RMP64: variants seen among roughly 807,000 people sequenced by gnomAD.
RMP64 encodes ribonuclease MRP subunit p64, also known as nucleolus and neural progenitor protein.
the RMP64 span, chr3:113,019,171 G>A: frequency 8.1e-6 from 2 of 248,178 alleles, no homozygotes; most frequent in African/African-American, 4.6e-5. Flanking sequence ...GAAGGAAAGG[G>A]GAAATGGACG....
chr3:113,018,388 A>G, the RMP64 span, among the ~76,000 whole-genome samples: 2 of 152,194 alleles, frequency 1.3e-5, no homozygotes, highest in African/African-American at 4.8e-5. Context: ...GTTGTTAAAG[A>G]ATTTTTGAAT....
At chr3:113,008,484 T>C in the RMP64 span, 310 of 1,448,120 alleles carry the variant, frequency 2.1e-4, 1 homozygote, top group African/African-American at 4.1e-3. Flanking sequence ...GACTTGTAAT[T>C]ATATGACAAC....
the RMP64 span, chr3:113,012,847 A>T: frequency 4.1e-6 from 5 of 1,223,632 alleles, no homozygotes; most frequent in Non-Finnish European, 6.0e-6. Context: ...ACAAAATCAA[A>T]GTAATGTGGG....
At chr3:113,019,276 T>C in the RMP64 span, 1 of 497,932 alleles carries the variant, frequency 2.0e-6, no homozygotes, top group Middle Eastern at 5.3e-4. Flanking sequence ...CTCCGCCCCC[T>C]CAGCGCACGG....
the RMP64 span, among the ~76,000 whole-genome samples, chr3:113,009,031 A>G: frequency 3.9e-5 from 6 of 152,172 alleles, no homozygotes; most frequent in Admixed American, 1.3e-4. Flanking sequence ...ATGTTTCTGA[A>G]AACAGGGAAG....
At chr3:113,008,997 T>C in the RMP64 span, among the ~76,000 whole-genome samples, 63 of 152,304 alleles carry the variant, frequency 4.1e-4, no homozygotes, top group African/African-American at 1.5e-3. Context: ...TTCCGTATCC[T>C]GGGCAAACCT....
the RMP64 span, among the ~76,000 whole-genome samples, chr3:113,009,059 G>A: frequency 6.6e-6 from 1 of 152,126 alleles, no homozygotes; most frequent in African/African-American, 2.4e-5. Context: ...GCCCTGCAGA[G>A]TGCCCAGCAG....
the RMP64 span, among the ~76,000 whole-genome samples, chr3:113,009,148 C>G: frequency 6.6e-6 from 1 of 152,148 alleles, no homozygotes; most frequent in Admixed American, 6.5e-5. Flanking sequence ...AATTCTACTT[C>G]AACCATCTTC....
At chr3:113,008,248 G>C in the RMP64 span, 10 of 1,613,988 alleles carry the variant, frequency 6.2e-6, no homozygotes, top group Middle Eastern at 3.3e-4. Context: ...CCTGAGCCTT[G>C]AGTTTTTTGC....
At chr3:113,005,177 A>G in the RMP64 span, 1 of 274,016 alleles carries the variant, frequency 3.6e-6, no homozygotes, top group Non-Finnish European at 7.0e-6. Flanking sequence ...CATTTACCTC[A>G]AGACACAATG....
At chr3:113,018,790 C>G in the RMP64 span, among the ~76,000 whole-genome samples, 1 of 152,194 alleles carries the variant, frequency 6.6e-6, no homozygotes, top group Non-Finnish European at 1.5e-5. Flanking sequence ...TCCCCCCAAA[C>G]AGCCCTATGA....
chr3:113,017,326 A>T, the RMP64 span: 1 of 814,540 alleles, frequency 1.2e-6, no homozygotes. Flanking sequence ...CTATAGGCCT[A>T]TAAAACACAA....
At chr3:113,013,307 C>G in the RMP64 span, 10 of 1,614,056 alleles carry the variant, frequency 6.2e-6, no homozygotes, top group Non-Finnish European at 8.5e-6. Context: ...ACAAGCGGAG[C>G]AACAACTTGC....
chr3:113,005,819 T>G, the RMP64 span: 11 of 1,613,996 alleles, frequency 6.8e-6, no homozygotes, highest in Non-Finnish European at 8.5e-6. Flanking sequence ...CCGAGTCCCT[T>G]GAGAGAACTG....
the RMP64 span, chr3:113,014,104 G>T: frequency 1.1e-6 from 1 of 902,564 alleles, no homozygotes. Context: ...GACCAGGAAA[G>T]CAAAGACTTC....
chr3:113,015,262 A>G, the RMP64 span, among the ~76,000 whole-genome samples: 1 of 152,172 alleles, frequency 6.6e-6, no homozygotes, highest in African/African-American at 2.4e-5. Context: ...TGCTTACTGA[A>G]CACTGTTCTA....
chr3:113,016,909 T>C, the RMP64 span, among the ~76,000 whole-genome samples: 1 of 152,360 alleles, frequency 6.6e-6, no homozygotes. Flanking sequence ...CTCTATGGTA[T>C]AGCCCCTGAG....
At chr3:113,017,486 T>G in the RMP64 span, 1 of 1,614,204 alleles carries the variant, frequency 6.2e-7, no homozygotes, top group Admixed American at 1.7e-5. Context: ...CGGCCCATTC[T>G]GTTGTGATTG....
the RMP64 span, chr3:113,019,523 C>CG: frequency 6.3e-7 from 1 of 1,593,920 alleles, no homozygotes; most frequent in Non-Finnish European, 8.6e-7. Context: ...CCCCCATCCT[C>CG]GCCCGGCGCC....
Sources: gnomAD v4.1 joint callset for allele counts (sites outside exome capture counted in the v4.1 genomes callset) on GRCh38, gnomAD v4.1.1 for gene constraint, MANE v1.5 for transcripts, NCBI Gene and HGNC (gene_info 2026-07-23, HGNC 2026-07-21) for gene names.